OPCML: variants seen among roughly 807,000 people sequenced by gnomAD.
OPCML encodes the protein opioid-binding protein/cell adhesion molecule.
OPCML carries 13 observed loss-of-function variants against 37.8 expected under a neutral mutation model. The ratio of observed to expected loss-of-function variants is 0.34; its 90% CI spans 0.22 to 0.55. The LOEUF (loss-of-function observed/expected upper bound fraction) is 0.55, where lower values mean the gene tolerates loss of function less well. OPCML is among the 20% of genes least tolerant of loss of function. The probability of loss-of-function intolerance (pLI) is 0.91; values close to 1 mark genes in which losing one functional copy is unlikely to be tolerated. For synonymous variants in OPCML, 176 were observed against 168.8 expected (o/e 1.04, Z -0.33); for missense variants, 341 against 435.6 (o/e 0.78, Z 1.93).
At chr11:133,497,070 G>A (rs949463668) in intron 1 of OPCML, among the ~76,000 whole-genome samples, 6 of 152,152 alleles carry the variant, frequency 3.9e-5, no homozygotes, top group Non-Finnish European at 7.3e-5. Flanking sequence ...ATTAAAGTGT[G>A]TCCCTTGTAT....
At chr11:132,560,857 C>G (rs1298340329) in intron 3 of OPCML, among the ~76,000 whole-genome samples, 1 of 152,122 alleles carries the variant, frequency 6.6e-6, no homozygotes, top group East Asian at 1.9e-4. Context: ...TTCTCCCACT[C>G]TGTGGGTTGT....
intron 2 of OPCML, among the ~76,000 whole-genome samples, chr11:132,874,570 T>A (rs1008994419): frequency 6.6e-6 from 1 of 152,162 alleles, no homozygotes; most frequent in Non-Finnish European, 1.5e-5. Context: ...TAACTGGAAT[T>A]GTTCTTAGGA....
chr11:133,013,143 T>C (rs996184467), intron 1 of OPCML, among the ~76,000 whole-genome samples: 1 of 152,204 alleles, frequency 6.6e-6, no homozygotes, highest in African/African-American at 2.4e-5. Flanking sequence ...ATTTTTCCGG[T>C]GGAGCCCACT....
chr11:132,685,802 A>T (rs1943140713), intron 2 of OPCML, among the ~76,000 whole-genome samples: 1 of 152,218 alleles, frequency 6.6e-6, no homozygotes, highest in Admixed American at 6.5e-5. Context: ...CTCGTTAAAG[A>T]TGCAAATTAG....
In OPCML at chr11:132,570,791, A is replaced by ATT. The variant is rs2096436005; in HGVS notation, c.380-41606_380-41605insAA. On this transcript the variant is annotated intron_variant, in intron 3 of 7. Transcript: ENST00000524381. ...TATATATATATATATATATATATATATATATATATATTTAGAGAGAGAGAG... is the reference window on the plus strand; with the variant it reads ...TATATATATATATATATATATATATATTTATATATATATTTAGAGAGAGAGAG... 4.0e-5 allele frequency among the ~76,000 whole-genome samples: 5 copies of ATT among 124,504 alleles called. No individual in the cohort carries two copies. The South Asian group carries it at 1.1e-3, about 26-fold the overall frequency. 81.7% of individuals were successfully genotyped at this position (124,504 alleles called of 152,430 possible).
At chr11:132,565,016 A>G (rs2096419132) in intron 3 of OPCML, among the ~76,000 whole-genome samples, 1 of 152,212 alleles carries the variant, frequency 6.6e-6, no homozygotes, top group Non-Finnish European at 1.5e-5. Context: ...TGACAGTCCA[A>G]CAAGAAGAGG....
chr11:133,462,008 G>T (rs1030136569), intron 1 of OPCML, among the ~76,000 whole-genome samples: 7 of 151,818 alleles, frequency 4.6e-5, no homozygotes, highest in Non-Finnish European at 7.4e-5. Context: ...AAACAAGAGT[G>T]TCATGACCAT....
intron 1 of OPCML, among the ~76,000 whole-genome samples, chr11:133,259,460 A>G (rs1954844): frequency 0.65 from 98,560 of 152,000 alleles, 33,410 homozygotes; most frequent in East Asian, 0.91. Flanking sequence ...TTTCACCCCT[A>G]CTAGGCCACC....
At chr11:132,626,951 T>A (rs921561872) in intron 3 of OPCML, among the ~76,000 whole-genome samples, 15 of 150,816 alleles carry the variant, frequency 9.9e-5, no homozygotes, top group African/African-American at 3.6e-4. Context: ...AAAAATCATT[T>A]TTCCTGATAT....
chr11:133,132,882 C>T (rs577338522), intron 1 of OPCML, among the ~76,000 whole-genome samples: 1 of 149,652 alleles, frequency 6.7e-6, no homozygotes, highest in Admixed American at 6.6e-5. Flanking sequence ...ACTTGGGGGA[C>T]AAAGTCCACA....
At chr11:133,375,573 T>G (rs1944784551) in intron 1 of OPCML, among the ~76,000 whole-genome samples, 1 of 152,202 alleles carries the variant, frequency 6.6e-6, no homozygotes, top group African/African-American at 2.4e-5. Flanking sequence ...CATGCCCTGA[T>G]GTGATCTCGT....
chr11:132,969,571 T>C (rs1946293700), intron 1 of OPCML, among the ~76,000 whole-genome samples: 2 of 152,206 alleles, frequency 1.3e-5, no homozygotes, highest in South Asian at 4.1e-4. Context: ...TTAGTGGTGT[T>C]CCATATGCCC....
rs116587008 is a variant in OPCML, at chr11:132,992,028, T to C, written c.62-49018A>G. 4.0e-3 allele frequency among the ~76,000 whole-genome samples: 610 copies of C among 151,416 alleles called. 5 individuals carry two copies. Among genetic ancestry groups the C allele is most frequent in the African/African-American group, 0.014 (570 of 41,236 alleles). On this transcript the variant is annotated intron_variant, in intron 1 of 7. Coordinates refer to ENST00000524381, the MANE Select transcript of OPCML (RefSeq NM_001012393.5). Reference sequence around the variant, plus strand: ...ATTAATGCTGTAACATTTGATCTCATGGATCTTTAAGGAGTAGGTTGGACC... The same window carrying C: ...ATTAATGCTGTAACATTTGATCTCACGGATCTTTAAGGAGTAGGTTGGACC...
intron 1 of OPCML, among the ~76,000 whole-genome samples, chr11:133,353,686 A>T (rs1944195751): frequency 6.6e-6 from 1 of 152,230 alleles, no homozygotes; most frequent in Non-Finnish European, 1.5e-5. Context: ...CTCACTTGGC[A>T]GGCAGGAGCC....
intron 2 of OPCML, among the ~76,000 whole-genome samples, chr11:132,849,241 G>T (rs1287029589): frequency 6.6e-6 from 1 of 152,154 alleles, no homozygotes; most frequent in Non-Finnish European, 1.5e-5. Flanking sequence ...TAACTTGCAC[G>T]ATCACATTAT....
At chr11:133,314,093 G>A (rs991521201) in intron 1 of OPCML, among the ~76,000 whole-genome samples, 1 of 146,096 alleles carries the variant, frequency 6.8e-6, no homozygotes, top group African/African-American at 2.5e-5. Flanking sequence ...AAATTAGCCG[G>A]GCGTAGTGGC....
At chr11:132,832,171 C>A (rs74876972) in intron 2 of OPCML, among the ~76,000 whole-genome samples, 2,493 of 151,400 alleles carry the variant, frequency 0.016, 28 homozygotes, top group Middle Eastern at 0.041. Context: ...CAACCTTCAG[C>A]ATCATCAAAA....
At chr11:132,771,409 G>T (rs1402562910) in intron 2 of OPCML, among the ~76,000 whole-genome samples, 1 of 152,142 alleles carries the variant, frequency 6.6e-6, no homozygotes, top group South Asian at 2.1e-4. Context: ...TCAATTAGCC[G>T]ATTATTCAGC....
chr11:132,745,580 A>AAAAAAAAAAAAAAAAGAAAG (rs1555183231), intron 2 of OPCML, among the ~76,000 whole-genome samples: 1 of 87,554 alleles, frequency 1.1e-5, no homozygotes, highest in African/African-American at 4.5e-5. Flanking sequence ...AAAAAAAAAA[A>AAAAAAAAAAAAAAAAGAAAG]AAAGAAAGAA....
Sources: gnomAD v4.1 joint callset for allele counts (sites outside exome capture counted in the v4.1 genomes callset) on GRCh38, gnomAD v4.1.1 for gene constraint, MANE v1.5 for transcripts, NCBI Gene and HGNC (gene_info 2026-07-23, HGNC 2026-07-21) for gene names.